Variants in PTPRT observed in about 807,000 individuals in gnomAD.
PTPRT encodes receptor-type tyrosine-protein phosphatase T.
Under a neutral mutation model 176.8 loss-of-function variants are expected in PTPRT, and 56 were observed. That is an observed-to-expected ratio of 0.32 (90% confidence interval 0.26 to 0.40). PTPRT has a LOEUF of 0.40. Ranked by LOEUF, PTPRT falls within the 10% of genes least tolerant of loss-of-function variation. PTPRT has a pLI of 1.00. For synonymous variants in PTPRT, 783 were observed against 739.0 expected (o/e 1.06, Z -0.96); for missense variants, 1,540 against 1,908.2 (o/e 0.81, Z 3.60).
chr20:43,162,185 G>C (rs2014717479), intron 1 of PTPRT, among the ~76,000 whole-genome samples: 1 of 152,124 alleles, frequency 6.6e-6, no homozygotes, highest in Non-Finnish European at 1.5e-5. Flanking sequence ...ACTCTCGATG[G>C]CAAGAGTTAA....
chr20:42,849,268 G>C (rs2078430228), intron 2 of PTPRT, among the ~76,000 whole-genome samples: 1 of 152,142 alleles, frequency 6.6e-6, no homozygotes, highest in Admixed American at 6.5e-5. Flanking sequence ...GTCCATTTTA[G>C]GAAGTCCCAC....
intron 1 of PTPRT, among the ~76,000 whole-genome samples, chr20:43,117,879 A>C (rs2013116964): frequency 1.3e-5 from 2 of 152,206 alleles, no homozygotes; most frequent in South Asian, 4.1e-4. Flanking sequence ...TGTGTCAATC[A>C]AAGTGTAAGG....
chr20:42,699,102 GCA>G (rs1440542283), intron 6 of PTPRT, among the ~76,000 whole-genome samples: 4 of 152,110 alleles, frequency 2.6e-5, no homozygotes, highest in Non-Finnish European at 2.9e-5. Flanking sequence ...GGAGTAAAAA[GCA>G]CAGTCTCAAG....
chr20:42,210,931 C>G (rs2146734331), intron 15 of PTPRT, among the ~76,000 whole-genome samples: 1 of 150,988 alleles, frequency 6.6e-6, no homozygotes, highest in Non-Finnish European at 1.5e-5. Flanking sequence ...CAGCATGGTA[C>G]TGGTACCAAA....
chr20:42,032,071 T>C, the PTPRT span, among the ~76,000 whole-genome samples: 1 of 152,144 alleles, frequency 6.6e-6, no homozygotes, highest in Non-Finnish European at 1.5e-5. Flanking sequence ...TCTGGCTCCA[T>C]AATTCATGCC....
At chr20:42,732,419 A>G in intron 6 of PTPRT, among the ~76,000 whole-genome samples, 1 of 152,232 alleles carries the variant, frequency 6.6e-6, no homozygotes, top group East Asian at 1.9e-4. Context: ...TATGTGAGTA[A>G]ATGAATTAAC....
At chr20:42,644,882 T>G (rs888674414) in intron 7 of PTPRT, among the ~76,000 whole-genome samples, 2 of 152,174 alleles carry the variant, frequency 1.3e-5, no homozygotes, top group South Asian at 4.1e-4. Context: ...TGCTCTTCCA[T>G]TTCTCATTGA....
chr20:43,112,905 G>A (rs1449074342), intron 1 of PTPRT, among the ~76,000 whole-genome samples: 20 of 151,780 alleles, frequency 1.3e-4, no homozygotes, highest in Non-Finnish European at 2.9e-5. Flanking sequence ...ATCTCCTGGG[G>A]TTTTGCGTGT....
At chr20:42,470,080 CT>C in intron 8 of PTPRT, among the ~76,000 whole-genome samples, 1 of 152,262 alleles carries the variant, frequency 6.6e-6, no homozygotes, top group East Asian at 1.9e-4. Context: ...ACAGTAGAGG[CT>C]CTGTCTTCAA....
At chr20:42,288,249 T>G (rs2057263435) in intron 12 of PTPRT, among the ~76,000 whole-genome samples, 1 of 152,018 alleles carries the variant, frequency 6.6e-6, no homozygotes, top group South Asian at 2.1e-4. Context: ...CTTCTTCTGG[T>G]CACTTCTTCT....
At chr20:42,032,414 C>A in the PTPRT span, among the ~76,000 whole-genome samples, 1 of 152,120 alleles carries the variant, frequency 6.6e-6, no homozygotes, top group African/African-American at 2.4e-5. Flanking sequence ...CAAAAGAGAT[C>A]ATTGTTTTCC....
Position 42,974,021 on chromosome 20 carries a change from A to G in PTPRT, c.89-88089T>C, listed in dbSNP as rs557675629. 3.5e-4 allele frequency among the ~76,000 whole-genome samples: 54 copies of G among 152,224 alleles called. 1 individual carries two copies. The South Asian group carries it at 0.011, about 31-fold the overall frequency. ...AGAGTGTGTAGAATGAAAGCAGGGT[A>G]ATCCCAGGCTGCCATTTTTGAAAGT... On this transcript the variant is annotated intron_variant, in intron 1 of 30. Coordinates refer to ENST00000373187, the MANE Select transcript of PTPRT (RefSeq NM_007050.6).
intron 2 of PTPRT, among the ~76,000 whole-genome samples, chr20:42,855,429 CTT>C (rs555034551): frequency 2.6e-5 from 3 of 115,698 alleles, no homozygotes; most frequent in Non-Finnish European, 5.1e-5. Context: ...TATGTTCATG[CTT>C]TTTTTTTTTT....
intron 1 of PTPRT, among the ~76,000 whole-genome samples, chr20:43,146,597 GTTC>G (rs758576766): frequency 1.3e-5 from 2 of 151,490 alleles, no homozygotes; most frequent in Non-Finnish European, 2.9e-5. Context: ...ATAAACTATT[GTTC>G]TTCTGCAGTG....
intron 1 of PTPRT, among the ~76,000 whole-genome samples, chr20:43,075,082 G>C (rs2011240975): frequency 6.6e-6 from 1 of 152,204 alleles, no homozygotes; most frequent in African/African-American, 2.4e-5. Context: ...TTCATGAACA[G>C]TGTTTTGTTT....
intron 1 of PTPRT, among the ~76,000 whole-genome samples, chr20:42,952,249 C>T (rs1981300379): frequency 1.3e-5 from 2 of 152,192 alleles, no homozygotes; most frequent in South Asian, 4.1e-4. Context: ...GAAGCCTGGG[C>T]CCATCCATCG....
At chr20:42,786,135 A>G (rs1172921900) in intron 3 of PTPRT, among the ~76,000 whole-genome samples, 2 of 152,136 alleles carry the variant, frequency 1.3e-5, no homozygotes, top group East Asian at 3.9e-4. Flanking sequence ...CCTTTCTGCC[A>G]TGATTGTAAG....
intron 27 of PTPRT, among the ~76,000 whole-genome samples, chr20:42,087,159 C>G (rs1431729206): frequency 8.3e-6 from 1 of 120,052 alleles, no homozygotes. Context: ...ATTAGCTCCC[C>G]CCGAGAGTTA....
intron 13 of PTPRT, among the ~76,000 whole-genome samples, chr20:42,274,989 T>C (rs935269395): frequency 4.6e-5 from 7 of 152,206 alleles, no homozygotes; most frequent in African/African-American, 1.7e-4. Flanking sequence ...ATTAACACAA[T>C]GGAATCAGAT....
Sources: gnomAD v4.1 joint callset for allele counts (sites outside exome capture counted in the v4.1 genomes callset) on GRCh38, gnomAD v4.1.1 for gene constraint, MANE v1.5 for transcripts, NCBI Gene and HGNC (gene_info 2026-07-23, HGNC 2026-07-21) for gene names.